Variants in MYO1B observed in about 807,000 individuals in gnomAD.
MYO1B encodes the protein unconventional myosin-Ib.
A neutral mutation model predicts 159.7 loss-of-function variants in MYO1B; 72 were observed. The observed-to-expected ratio is 0.45, with a 90% CI of 0.37 to 0.55. MYO1B has a LOEUF of 0.55. Ranked by LOEUF, MYO1B falls within the 20% of genes least tolerant of loss-of-function variation. The pLI is 0.00. For synonymous variants in MYO1B, 468 were observed against 473.8 expected (o/e 0.99, Z 0.16); for missense variants, 1,062 against 1,364.8 (o/e 0.78, Z 3.50).
rs1698118760 is a variant in MYO1B at position 191,424,365 on chromosome 2, T to TG, written c.*406dup. The TG allele has an allele frequency of 6.4e-6, 1 of 157,310 alleles. No individual in the cohort carries two copies. The allele number at this position is 157,310 out of a possible 1,614,324, so 9.7% of individuals were successfully genotyped here. On this transcript the variant is annotated 3_prime_UTR_variant, in exon 31 of 31. Coordinates refer to ENST00000392318, the MANE Select transcript of MYO1B (RefSeq NM_001130158.3). ...ATGCTAGGCACTGTGCTAGATGGTA[T>TG]GAAAACTTATTAGGAACCTTTTTGT...
intron 4 of MYO1B, among the ~76,000 whole-genome samples, chr2:191,332,896 T>C (rs1479557258): frequency 6.6e-6 from 1 of 152,174 alleles, no homozygotes; most frequent in African/African-American, 2.4e-5. Flanking sequence ...TCCCATGTCT[T>C]CTTAAGGGAG....
chr2:191,369,510 G>A (rs1044768571), intron 11 of MYO1B, 32 bp from the exon 12 acceptor site: 3 of 1,464,094 alleles, frequency 2.0e-6, no homozygotes, highest in Non-Finnish European at 1.9e-6. Context: ...GGAATTGTGG[G>A]TGTTAAGTTT....
intron 3 of MYO1B, among the ~76,000 whole-genome samples, chr2:191,302,795 T>TA (rs1689416790): frequency 6.6e-6 from 1 of 152,226 alleles, no homozygotes; most frequent in Non-Finnish European, 1.5e-5. Flanking sequence ...TGTTAAAACT[T>TA]AGACAAGTGG....
At chr2:191,364,852 A>G (rs534224813) in intron 11 of MYO1B, among the ~76,000 whole-genome samples, 34 of 152,320 alleles carry the variant, frequency 2.2e-4, no homozygotes, top group African/African-American at 7.5e-4. Context: ...TGCTGGTGCT[A>G]GCTGGTTTAA....
chr2:191,362,175 T>C (rs1444603071), intron 8 of MYO1B, 93 bp from the exon 9 acceptor site: 9 of 880,142 alleles, frequency 1.0e-5, no homozygotes, highest in Non-Finnish European at 1.6e-5. Context: ...ATAAAAGCCA[T>C]GTTACCGATG....
chr2:191,388,600 G>A (rs1197979036), intron 17 of MYO1B, among the ~76,000 whole-genome samples: 1 of 152,062 alleles, frequency 6.6e-6, no homozygotes, highest in Non-Finnish European at 1.5e-5. Context: ...CCTCTGGTTT[G>A]ATTGCAGTCA....
At position 191,390,354 on chromosome 2, in the gene MYO1B, A is replaced by G; in HGVS notation, c.1844A>G (p.Gln615Arg). 1 of 1,614,268 alleles carries G rather than the reference A, an allele frequency of 6.2e-7. No individual in the cohort carries two copies. Among genetic ancestry groups the G allele is most frequent in the South Asian group, 1.1e-5 (1 of 91,092 alleles). Residue 615 changes from glutamine (Q) to arginine (R), a missense_variant, in exon 18 of 31, where the codon CAG (glutamine) becomes CGG (arginine). Transcript: ENST00000392318. ...HIFNEALVCHQIRYLGLLENV... is the reference protein window; with the variant it reads ...HIFNEALVCHRIRYLGLLENV... ...TTCAACGAGGCTCTAGTGTGTCATC[A>G]GATCAGGTACCTGGGGCTTTTGGAG... is the stretch of plus-strand genomic sequence containing the variant.
chr2:191,326,700 G>T (rs1420828954), intron 3 of MYO1B, among the ~76,000 whole-genome samples: 1 of 151,248 alleles, frequency 6.6e-6, no homozygotes, highest in East Asian at 1.9e-4. Flanking sequence ...ATTCAACTTA[G>T]GTTCTTTGAG....
At chr2:191,397,818 G>T (rs1454576270) in intron 21 of MYO1B, among the ~76,000 whole-genome samples, 2 of 145,110 alleles carry the variant, frequency 1.4e-5, no homozygotes, top group Non-Finnish European at 3.1e-5. Flanking sequence ...GGCCGGGCGG[G>T]GGGCTGACCA....
intron 2 of MYO1B, among the ~76,000 whole-genome samples, chr2:191,287,585 C>T (rs966541816): frequency 1.3e-5 from 2 of 151,698 alleles, no homozygotes; most frequent in African/African-American, 4.8e-5. Flanking sequence ...AATGTGCCCA[C>T]GTTCACACAA....
At chr2:191,416,777 G>T (rs1021707729) in intron 30 of MYO1B, among the ~76,000 whole-genome samples, 1 of 151,904 alleles carries the variant, frequency 6.6e-6, no homozygotes, top group Non-Finnish European at 1.5e-5. Context: ...TCGTGCCACC[G>T]CAATCCAGCC....
At chr2:191,351,577 T>A (rs540895461) in intron 7 of MYO1B, among the ~76,000 whole-genome samples, 8 of 152,276 alleles carry the variant, frequency 5.3e-5, no homozygotes, top group Admixed American at 1.3e-4. Flanking sequence ...TTTCCAGCAT[T>A]CTGTAGTTCT....
intron 11 of MYO1B, among the ~76,000 whole-genome samples, chr2:191,367,204 TC>T (rs1190897199): frequency 6.6e-6 from 1 of 152,156 alleles, no homozygotes; most frequent in Admixed American, 6.5e-5. Flanking sequence ...GAATAGACAT[TC>T]CTTCCCTTAC....
At chr2:191,286,786 A>G (rs1688399054) in intron 2 of MYO1B, among the ~76,000 whole-genome samples, 1 of 152,092 alleles carries the variant, frequency 6.6e-6, no homozygotes, top group African/African-American at 2.4e-5. Flanking sequence ...TACAAAACTT[A>G]GCCAGGATTG....
intron 15 of MYO1B, 131 bp downstream of exon 15, chr2:191,383,473 T>TATATATATATATATATATACACAC (rs1170563038): frequency 1.7e-5 from 2 of 119,858 alleles, no homozygotes; most frequent in African/African-American, 7.7e-5. Flanking sequence ...TATATATATA[T>TATATATATATATATATATACACAC]ACACACACAC....
At chr2:191,287,538 A>T (rs1688450081) in intron 2 of MYO1B, among the ~76,000 whole-genome samples, 2 of 152,140 alleles carry the variant, frequency 1.3e-5, no homozygotes, top group South Asian at 2.1e-4. Context: ...CTCAAAAAAA[A>T]AAAAGGTGAG....
At chr2:191,258,302 G>A (rs1253046327) in intron 1 of MYO1B, among the ~76,000 whole-genome samples, 1 of 152,118 alleles carries the variant, frequency 6.6e-6, no homozygotes, top group African/African-American at 2.4e-5. Context: ...ACAAAGAGAA[G>A]GAATAGTAAA....
intron 3 of MYO1B, among the ~76,000 whole-genome samples, chr2:191,301,696 C>G (rs1017432641): frequency 6.6e-6 from 1 of 152,220 alleles, no homozygotes; most frequent in Non-Finnish European, 1.5e-5. Context: ...AACACTTCTA[C>G]TCCCAAACAT....
intron 11 of MYO1B, among the ~76,000 whole-genome samples, chr2:191,368,051 T>C (rs936479957): frequency 1.3e-5 from 2 of 152,220 alleles, no homozygotes; most frequent in African/African-American, 2.4e-5. Context: ...TTAGGTATAT[T>C]CTCTAACCCT....
Sources: gnomAD v4.1 joint callset for allele counts (sites outside exome capture counted in the v4.1 genomes callset) on GRCh38, gnomAD v4.1.1 for gene constraint, MANE v1.5 for transcripts, NCBI Gene and HGNC (gene_info 2026-07-23, HGNC 2026-07-21) for gene names.